Variants in DHRS4L2 observed in about 807,000 individuals in gnomAD.
The protein encoded by DHRS4L2 is dehydrogenase/reductase SDR family member 4-like 2.
A neutral mutation model predicts 23.9 loss-of-function variants in DHRS4L2; 22 were observed. That is an observed-to-expected ratio of 0.92 (90% CI 0.66 to 1.31). DHRS4L2 has a LOEUF of 1.31. Among genes scored for constraint, DHRS4L2 ranks in the 40% most tolerant of loss-of-function variants. The probability of loss-of-function intolerance (pLI) is 0.00; values close to 1 mark genes in which losing one functional copy is unlikely to be tolerated. For synonymous variants in DHRS4L2, 141 were observed against 123.7 expected, an observed-to-expected ratio of 1.14 and a Z score of -0.93; for missense variants, 385 against 303.3, an observed-to-expected ratio of 1.27 and a Z score of -2.00.
chr14:23,987,029 C>T (rs1000740734), upstream of DHRS4L2, among the ~76,000 whole-genome samples: 3 of 151,838 alleles, frequency 2.0e-5, no homozygotes, highest in South Asian at 2.1e-4. Flanking sequence ...AAGCAGAGTG[C>T]TGCAGCTGTA....
Position 23,974,151 on chromosome 14 carries a change from A to G in DHRS4L2, c.-176+3819A>G, listed in dbSNP as rs867767251. On this transcript the variant is annotated intron_variant, in intron 1 of 5. Coordinates refer to the DHRS4L2 transcript ENST00000534993. Reference sequence around the variant, plus strand: ...AACAACCTGCTCCTGAATGACTACTAGGTAAATAACAAACTGAAGGCAGAA... The same window carrying G: ...AACAACCTGCTCCTGAATGACTACTGGGTAAATAACAAACTGAAGGCAGAA... Among the ~76,000 whole-genome samples the G allele has an allele frequency of 2.2e-3, 334 of 148,968 alleles. 3 individuals carry two copies. Among genetic ancestry groups the G allele is most frequent in the Middle Eastern group, 0.018 (5 of 280 alleles).
intron 1 of DHRS4L2, among the ~76,000 whole-genome samples, chr14:23,970,697 A>C (rs1180552262): frequency 1.3e-5 from 2 of 152,034 alleles, no homozygotes; most frequent in African/African-American, 4.8e-5. Context: ...ATGTAGCTTG[A>C]CTGAAAAACA....
At position 23,989,068 on chromosome 14, in the gene DHRS4L2, AC is replaced by A. The variant is rs751243439; in HGVS notation, c.123del (p.Asp42ThrfsTer40). On this transcript the variant is annotated frameshift_variant, in exon 1 of 8. Transcript: ENST00000335125. LOFTEE classifies it high-confidence loss of function. ...TNKVALVTAS[T>X]DGIGFAIARR... is the part of the protein sequence containing the mutation. Reference sequence around the variant, plus strand: ...TAAGGTGGCCCTGGTAACGGCCTCCACCGACGGGTGAGTGTTGGTGCCGGAG... The same window carrying A: ...TAAGGTGGCCCTGGTAACGGCCTCCACGACGGGTGAGTGTTGGTGCCGGAG... 8.3e-6 allele frequency: 13 copies of A among 1,573,530 alleles called. No homozygotes were observed. In the African/African-American group the frequency reaches 1.5e-4, roughly 18 times the overall value.
chr14:23,986,205 C>T (rs548530617), upstream of DHRS4L2, among the ~76,000 whole-genome samples: 13 of 151,402 alleles, frequency 8.6e-5, no homozygotes, highest in East Asian at 7.7e-4. Flanking sequence ...TGAGGAGTAG[C>T]GCTAGAGATT....
Position 24,005,896 on chromosome 14 carries a change from C to T in DHRS4L2, c.*33C>T, listed in dbSNP as rs1425087219. ...TCCCTTATTCCCCAGGTTAGGCGAG[C>T]CAGAGGATTGTGCTGGCATCGTGTC... On this transcript the variant is annotated 3_prime_UTR_variant, in exon 8 of 8. Coordinates refer to ENST00000335125, the MANE Select transcript of DHRS4L2 (RefSeq NM_198083.4). The T allele has an allele frequency of 6.2e-7, 1 of 1,607,402 alleles. No individual in the cohort carries two copies. Among genetic ancestry groups the T allele is most frequent in the South Asian group, 1.1e-5 (1 of 89,802 alleles).
chr14:23,977,920 C>T (rs370340256), intron 1 of DHRS4L2, among the ~76,000 whole-genome samples: 1 of 151,546 alleles, frequency 6.6e-6, no homozygotes, highest in Non-Finnish European at 1.5e-5. Context: ...TATGTGCCAA[C>T]CTTGTACAAA....
intron 2 of DHRS4L2, among the ~76,000 whole-genome samples, chr14:23,992,425 T>C (rs1462545803): frequency 1.3e-5 from 2 of 151,570 alleles, no homozygotes; most frequent in East Asian, 3.9e-4. Context: ...TTGTCAGCAA[T>C]TTGAAATGTC....
intron 3 of DHRS4L2, among the ~76,000 whole-genome samples, chr14:23,998,673 G>A (rs1331101793): frequency 6.6e-6 from 1 of 151,816 alleles, no homozygotes; most frequent in Non-Finnish European, 1.5e-5. Context: ...GAATTAAAAA[G>A]TTAGGGCCTT....
intron 7 of DHRS4L2, 59 bp from the exon 8 acceptor site, chr14:24,005,827 G>A (rs891266472): frequency 6.3e-7 from 1 of 1,599,996 alleles, no homozygotes; most frequent in African/African-American, 1.3e-5. Context: ...CCGTGTCCCA[G>A]GTGAGGGAGG....
intron 1 of DHRS4L2, among the ~76,000 whole-genome samples, chr14:23,981,840 C>A (rs1469994896): frequency 2.0e-5 from 3 of 151,710 alleles, no homozygotes; most frequent in Non-Finnish European, 2.9e-5. Context: ...ATGCTTCTCT[C>A]CACCCAAACA....
rs1464448197 is a variant in DHRS4L2 at position 24,001,459 on chromosome 14, A to G, written c.607A>G (p.Arg203Gly). The change falls in exon 6 of 8, where the codon AGG becomes GGG. Residue 203 changes from arginine to glycine, a missense_variant. Physicochemically the swap from Arg to Gly is moderately radical, Grantham distance 125 (BLOSUM62 -2). Transcript: ENST00000335125. The part of the protein sequence containing the change: ...NNTLAIELAP[R>G]NIRVNCLHLD... ...TACCCTGGCCATAGAGCTGGCCCCA[A>G]GGAACATTAGGGTGAACTGCCTGCA... 1.2e-6 allele frequency: 2 copies of G among 1,606,026 alleles called. No homozygotes were observed. Among genetic ancestry groups the G allele is most frequent in the Non-Finnish European group, 1.7e-6 (2 of 1,179,030 alleles).
chr14:23,971,823 T>A (rs1391788849), intron 1 of DHRS4L2, among the ~76,000 whole-genome samples: 1 of 151,982 alleles, frequency 6.6e-6, no homozygotes, highest in Non-Finnish European at 1.5e-5. Context: ...TAAGAGCTCC[T>A]GAAGGAAGCA....
chr14:23,976,322 G>A (rs1283455015), intron 1 of DHRS4L2, among the ~76,000 whole-genome samples: 1 of 151,814 alleles, frequency 6.6e-6, no homozygotes, highest in East Asian at 1.9e-4. Context: ...CTCAAAAGAA[G>A]ACATTTACAC....
At chr14:23,984,217 G>A (rs1427046410), upstream of DHRS4L2, among the ~76,000 whole-genome samples, 1 of 151,570 alleles carries the variant, frequency 6.6e-6, no homozygotes, top group East Asian at 1.9e-4. Flanking sequence ...GCCAAGAGCT[G>A]TATGGGAAGA....
intron 6 of DHRS4L2, among the ~76,000 whole-genome samples, chr14:24,003,827 T>A (rs2034518930): frequency 1.9e-5 from 1 of 53,668 alleles, no homozygotes; most frequent in Non-Finnish European, 2.8e-5. Flanking sequence ...TTTTGTACAT[T>A]GATTTTGTAT....
chr14:23,972,194 G>C (rs550531606), intron 1 of DHRS4L2, among the ~76,000 whole-genome samples: 1 of 152,062 alleles, frequency 6.6e-6, no homozygotes, highest in Non-Finnish European at 1.5e-5. Context: ...CGCGGTGAGT[G>C]TTACAGTTCT....
At position 23,995,328 on chromosome 14, in the gene DHRS4L2, G is replaced by A. The variant is rs527247728; in HGVS notation, c.408+195G>A. Among the ~76,000 whole-genome samples the A allele has an allele frequency of 2.5e-3, 384 of 151,770 alleles. 6 individuals are homozygous for A. The highest frequency in any genetic ancestry group is 4.0e-3 in the African/African-American group (165 of 41,500). On this transcript the variant is annotated intron_variant, in intron 3 of 7. Coordinates refer to ENST00000335125, the MANE Select transcript of DHRS4L2 (RefSeq NM_198083.4). Reference sequence around the variant, plus strand: ...TCTGCCCTTCTCATTCGTTTCTGCTGCTCCTAGTTCTCTCTGCTTCTATCT... The same window carrying A: ...TCTGCCCTTCTCATTCGTTTCTGCTACTCCTAGTTCTCTCTGCTTCTATCT...
At chr14:23,977,978 T>G (rs1290046388) in intron 1 of DHRS4L2, among the ~76,000 whole-genome samples, 2 of 151,706 alleles carry the variant, frequency 1.3e-5, no homozygotes, top group Non-Finnish European at 2.9e-5. Flanking sequence ...GATATAAAAT[T>G]GAAACCTTAA....
chr14:23,992,887 C>T (rs375864290), intron 2 of DHRS4L2, among the ~76,000 whole-genome samples: 78 of 146,466 alleles, frequency 5.3e-4, no homozygotes, highest in African/African-American at 2.0e-3. Context: ...GGCTGTATTT[C>T]CCAGGCTGTT....
Sources: allele counts gnomAD v4.1 joint callset (sites outside exome capture counted in the v4.1 genomes callset), GRCh38; gene constraint gnomAD v4.1.1; transcripts MANE v1.5; gene names NCBI Gene and HGNC (gene_info 2026-07-23, HGNC 2026-07-21).